ANKS1B: variants seen among roughly 807,000 people sequenced by gnomAD.
ANKS1B encodes the protein ankyrin repeat and sterile alpha motif domain containing 1B.
In ANKS1B, 36 loss-of-function variants were observed where a neutral mutation model predicts 148.3. That is an observed-to-expected ratio of 0.24 (90% CI 0.19 to 0.32). The LOEUF is 0.32. Among genes scored for constraint, ANKS1B ranks in the 10% least tolerant of loss-of-function variants. The pLI, the probability that ANKS1B is intolerant of heterozygous loss-of-function variation, is 1.00. For missense variants in ANKS1B, 1,157 were observed against 1,542.6 expected (o/e 0.75, Z 4.19); for synonymous variants, 542 against 560.8 (o/e 0.97, Z 0.47).
At chr12:98,848,457 C>G (rs1311792197) in intron 17 of ANKS1B, among the ~76,000 whole-genome samples, 1 of 152,008 alleles carries the variant, frequency 6.6e-6, no homozygotes, top group African/African-American at 2.4e-5. Flanking sequence ...TATAGTGTTA[C>G]TATCACACTT....
In ANKS1B at chr12:98,959,191, A is replaced by G. The variant is rs374065510; in HGVS notation, c.2778+93966T>C. Among the ~76,000 whole-genome samples, 4 of 152,316 alleles carry G rather than the reference A, an allele frequency of 2.6e-5. No individual in the cohort carries two copies. In the East Asian group the frequency reaches 7.7e-4, roughly 29 times the overall value. ...GTTAGCAATTTTACTGGCTATGTAT[A>G]ATGGACAAATTAAATGCCAGGATAT... On this transcript the variant is annotated intron_variant, in intron 17 of 26. Coordinates refer to ENST00000683438, the MANE Select transcript of ANKS1B (RefSeq NM_001352186.2).
intron 17 of ANKS1B, among the ~76,000 whole-genome samples, chr12:99,045,256 G>T (rs1464305497): frequency 1.3e-5 from 2 of 152,090 alleles, no homozygotes; most frequent in East Asian, 3.8e-4. Flanking sequence ...TTCTATGGAG[G>T]CACATGTGTT....
intron 1 of ANKS1B, among the ~76,000 whole-genome samples, chr12:99,977,918 A>C (rs1253419833): frequency 1.3e-5 from 2 of 152,216 alleles, no homozygotes; most frequent in Admixed American, 6.5e-5. Context: ...TCCAAAACGG[A>C]AACTAAAGAC....
In ANKS1B at chr12:99,417,480, A is replaced by T. The variant is rs558933622; in HGVS notation, c.1576-17669T>A. On this transcript the variant is annotated intron_variant, in intron 11 of 26. Transcript: ENST00000683438. ...TAAAATAAATCTTGAAACTGGGTAG[A>T]CTGATTCCTCCCACTTTTTTCTTCT... Among the ~76,000 whole-genome samples the T allele has an allele frequency of 1.1e-4, 17 of 152,258 alleles. No homozygotes were observed. In the East Asian group the frequency reaches 2.9e-3, roughly 26 times the overall value.
chr12:99,354,029 C>T (rs1217475190), intron 12 of ANKS1B, among the ~76,000 whole-genome samples: 1 of 152,026 alleles, frequency 6.6e-6, no homozygotes, highest in African/African-American at 2.4e-5. Flanking sequence ...CTTATTGGCA[C>T]ACTGGGTTCT....
chr12:99,340,439 T>A (rs2089708719), intron 12 of ANKS1B, among the ~76,000 whole-genome samples: 1 of 152,150 alleles, frequency 6.6e-6, no homozygotes, highest in South Asian at 2.1e-4. Context: ...CAGAGATATG[T>A]TCTGAGAAAT....
intron 1 of ANKS1B, among the ~76,000 whole-genome samples, chr12:99,888,168 C>T (rs759512928): frequency 3.5e-4 from 53 of 152,210 alleles, no homozygotes; most frequent in Non-Finnish European, 5.7e-4. Context: ...TTATTACATG[C>T]TATATGACCT....
intron 1 of ANKS1B, among the ~76,000 whole-genome samples, chr12:99,956,401 A>C (rs145305964): frequency 2.0e-5 from 3 of 152,156 alleles, no homozygotes; most frequent in Non-Finnish European, 4.4e-5. Context: ...GTGGTACATC[A>C]TGTAAATGAG....
intron 22 of ANKS1B, chr12:98,794,620 T>G (rs768085628): frequency 3.1e-5 from 25 of 817,444 alleles, no homozygotes; most frequent in Non-Finnish European, 5.4e-5. Flanking sequence ...AGAAGTGCGA[T>G]CCTCACAAAG....
At chr12:99,762,379 A>G (rs1311631156) in intron 8 of ANKS1B, among the ~76,000 whole-genome samples, 1 of 152,072 alleles carries the variant, frequency 6.6e-6, no homozygotes, top group Non-Finnish European at 1.5e-5. Context: ...AGAACTCAGA[A>G]ATAAAGCCAC....
chr12:98,742,822 GGGCT>G (rs961509814), downstream of ANKS1B, among the ~76,000 whole-genome samples: 1 of 152,310 alleles, frequency 6.6e-6, no homozygotes, highest in Middle Eastern at 3.4e-3. Context: ...AGTAAATGTG[GGGCT>G]GGCTGGCTGG....
chr12:99,405,555 T>C (rs1214016096), intron 11 of ANKS1B, among the ~76,000 whole-genome samples: 1 of 143,644 alleles, frequency 7.0e-6, no homozygotes, highest in Non-Finnish European at 1.5e-5. Context: ...ACATAAGAAA[T>C]AAAACAAGAA....
At chr12:99,951,777 C>G (rs1335852425) in intron 1 of ANKS1B, among the ~76,000 whole-genome samples, 3 of 151,938 alleles carry the variant, frequency 2.0e-5, no homozygotes, top group Admixed American at 6.6e-5. Flanking sequence ...CCAACTATAA[C>G]TCAGGAGGCT....
intron 17 of ANKS1B, among the ~76,000 whole-genome samples, chr12:98,967,081 A>G (rs902079430): frequency 6.6e-6 from 1 of 152,154 alleles, no homozygotes; most frequent in African/African-American, 2.4e-5. Flanking sequence ...CATAGGAGGG[A>G]TGCCAAGTGT....
At chr12:98,849,457 C>T (rs1225044069) in intron 17 of ANKS1B, among the ~76,000 whole-genome samples, 1 of 152,062 alleles carries the variant, frequency 6.6e-6, no homozygotes, top group African/African-American at 2.4e-5. Context: ...AAAGAGATGC[C>T]ACCTTTCCAA....
In ANKS1B at chr12:99,342,625, C is replaced by T. The variant is rs138834443; in HGVS notation, c.1756+57006G>A. On this transcript the variant is annotated intron_variant, in intron 12 of 26. Coordinates refer to ENST00000683438, the MANE Select transcript of ANKS1B (RefSeq NM_001352186.2). The stretch of plus-strand genomic sequence containing the variant: ...CTTTGTATATTTAGAAAAGAAAAGG[C>T]GAGGCCAGAGTGGTAAACTCTCCTA... Among the ~76,000 whole-genome samples, 707 of 151,984 alleles carry T rather than the reference C, an allele frequency of 4.7e-3. 4 individuals are homozygous for T. Among genetic ancestry groups the T allele is most frequent in the African/African-American group, 0.016 (657 of 41,520 alleles).
intron 1 of ANKS1B, among the ~76,000 whole-genome samples, chr12:99,873,488 TAA>T (rs1380011344): frequency 6.6e-6 from 1 of 152,158 alleles, no homozygotes; most frequent in Non-Finnish European, 1.5e-5. Context: ...GTTTACTGCT[TAA>T]AGACTCATTC....
chr12:99,551,073 C>T (rs573094575), intron 9 of ANKS1B, among the ~76,000 whole-genome samples: 157 of 152,288 alleles, frequency 1.0e-3, no homozygotes, highest in Admixed American at 1.7e-3. Context: ...CAATCCCTGA[C>T]CTCTATGTCC....
chr12:99,356,174 C>T (rs548006421), intron 12 of ANKS1B, among the ~76,000 whole-genome samples: 2 of 152,244 alleles, frequency 1.3e-5, no homozygotes, highest in South Asian at 4.1e-4. Context: ...AGACGCTTGC[C>T]TACCCTGAAG....
Sources: allele counts gnomAD v4.1 joint callset (sites outside exome capture counted in the v4.1 genomes callset), GRCh38; gene constraint gnomAD v4.1.1; transcripts MANE v1.5; gene names NCBI Gene and HGNC (gene_info 2026-07-23, HGNC 2026-07-21).